Variants in NDRG3 observed in about 807,000 individuals in gnomAD.
NDRG3 encodes protein NDRG3.
Under a neutral mutation model 57.2 loss-of-function variants are expected in NDRG3, and 23 were observed. The ratio of observed to expected loss-of-function variants is 0.40; its 90% CI spans 0.29 to 0.57. The LOEUF (loss-of-function observed/expected upper bound fraction) is 0.57, where lower values mean the gene tolerates loss of function less well. Ranked by LOEUF, NDRG3 falls within the 20% of genes least tolerant of loss-of-function variation. NDRG3 has a pLI of 0.42. For missense variants in NDRG3, 384 were observed against 457.3 expected, an observed-to-expected ratio of 0.84 and a Z score of 1.46; for synonymous variants, 132 against 162.6, an observed-to-expected ratio of 0.81 and a Z score of 1.43.
intron 2 of NDRG3, among the ~76,000 whole-genome samples, chr20:36,714,256 T>C (rs1172813449): frequency 6.6e-6 from 1 of 151,032 alleles, no homozygotes; most frequent in Non-Finnish European, 1.5e-5. Context: ...AATACAAAAA[T>C]TAGCAGGGCG....
chr20:36,694,395 G>A (rs752626734), intron 3 of NDRG3, among the ~76,000 whole-genome samples: 3 of 152,220 alleles, frequency 2.0e-5, no homozygotes, highest in Non-Finnish European at 2.9e-5. Flanking sequence ...GTGAAAAACA[G>A]TCTTGAATAA....
At chr20:36,710,738 G>A (rs1209119535) in intron 2 of NDRG3, among the ~76,000 whole-genome samples, 6 of 151,564 alleles carry the variant, frequency 4.0e-5, no homozygotes, top group Non-Finnish European at 8.8e-5. Context: ...ACCGGGACCC[G>A]GGTGGCGGAG....
chr20:36,732,150 G>T (rs1363777595), intron 1 of NDRG3, among the ~76,000 whole-genome samples: 1 of 152,100 alleles, frequency 6.6e-6, no homozygotes, highest in African/African-American at 2.4e-5. Flanking sequence ...TAGAAATATA[G>T]AATCTAACAT....
intron 1 of NDRG3, among the ~76,000 whole-genome samples, chr20:36,728,392 T>G (rs774196851): frequency 4.7e-4 from 72 of 152,114 alleles, no homozygotes; most frequent in Non-Finnish European, 6.5e-4. Context: ...CCATTACAGG[T>G]TGAGCATCCC....
At chr20:36,715,305 A>G (rs1329275316) in intron 2 of NDRG3, among the ~76,000 whole-genome samples, 1 of 151,278 alleles carries the variant, frequency 6.6e-6, no homozygotes, top group Non-Finnish European at 1.5e-5. Flanking sequence ...CGGTGGCATC[A>G]CTACCTGCTT....
chr20:36,688,885 G>A (rs758608137), intron 3 of NDRG3, 101 bp from the exon 4 acceptor site: 65 of 822,324 alleles, frequency 7.9e-5, no homozygotes, highest in Non-Finnish European at 1.3e-4. Context: ...CACGAGCTGG[G>A]GCAGGACACA....
chr20:36,712,393 C>CTTTTTTTTTTTT (rs532490524), intron 2 of NDRG3, among the ~76,000 whole-genome samples: 1 of 124,302 alleles, frequency 8.0e-6, no homozygotes. Flanking sequence ...TTTTCTTTTT[C>CTTTTTTTTTTTT]TTTTTTTTTT....
At chr20:36,717,224 T>C (rs1446976511) in intron 2 of NDRG3, among the ~76,000 whole-genome samples, 2 of 152,112 alleles carry the variant, frequency 1.3e-5, no homozygotes, top group South Asian at 2.1e-4. Context: ...TAAAATAAAA[T>C]GGGAAAAGTA....
chr20:36,689,136 G>C (rs1300631563), intron 3 of NDRG3, among the ~76,000 whole-genome samples: 4 of 152,194 alleles, frequency 2.6e-5, no homozygotes, highest in Non-Finnish European at 5.9e-5. Flanking sequence ...AGAGATTACA[G>C]TGAGCTGAGA....
chr20:36,727,905 T>C (rs902413226), intron 1 of NDRG3, among the ~76,000 whole-genome samples: 3 of 152,022 alleles, frequency 2.0e-5, no homozygotes, highest in Non-Finnish European at 2.9e-5. Context: ...TCCCCACATC[T>C]AAGTAATAAA....
At chr20:36,687,738 G>A (rs1013449093) in intron 4 of NDRG3, 126 bp from the exon 5 acceptor site, 12 of 1,103,208 alleles carry the variant, frequency 1.1e-5, no homozygotes, top group Non-Finnish European at 1.3e-5. Flanking sequence ...AAAGTGAGGT[G>A]TCTGAACAAT....
At chr20:36,690,212 T>C (rs1043272525) in intron 3 of NDRG3, among the ~76,000 whole-genome samples, 2 of 152,214 alleles carry the variant, frequency 1.3e-5, no homozygotes, top group African/African-American at 4.8e-5. Flanking sequence ...CCTCTACTCC[T>C]AAAAGATCTT....
intron 5 of NDRG3, among the ~76,000 whole-genome samples, chr20:36,684,965 G>A (rs1226866459): frequency 6.6e-6 from 1 of 152,162 alleles, no homozygotes; most frequent in Non-Finnish European, 1.5e-5. Flanking sequence ...CAACTGCCAT[G>A]CTAAGGAGAA....
chr20:36,693,141 T>TATATATATAC (rs1323122806), intron 3 of NDRG3, among the ~76,000 whole-genome samples: 42 of 34,606 alleles, frequency 1.2e-3, no homozygotes, highest in African/African-American at 1.8e-3. Flanking sequence ...TATATATATA[T>TATATATATAC]ACACACACAC....
chr20:36,727,440 G>A (rs1050445119), intron 1 of NDRG3, among the ~76,000 whole-genome samples: 13 of 151,898 alleles, frequency 8.6e-5, no homozygotes, highest in African/African-American at 2.4e-4. Context: ...GGCTGGTCTC[G>A]AACTCTTGAC....
chr20:36,659,488 G>T (rs1016323903), intron 13 of NDRG3, among the ~76,000 whole-genome samples: 6 of 152,100 alleles, frequency 3.9e-5, no homozygotes. Context: ...TTTACCAGAG[G>T]TTTGGGTGGT....
intron 2 of NDRG3, among the ~76,000 whole-genome samples, chr20:36,711,274 G>A (rs1019975300): frequency 2.0e-5 from 3 of 149,816 alleles, no homozygotes; most frequent in Non-Finnish European, 4.4e-5. Context: ...GCGAGACTCC[G>A]TCTCAAAAAA....
At chr20:36,697,883 T>C (rs1373571310) in intron 3 of NDRG3, among the ~76,000 whole-genome samples, 1 of 152,098 alleles carries the variant, frequency 6.6e-6, no homozygotes, top group Non-Finnish European at 1.5e-5. Flanking sequence ...CTACATATAG[T>C]TTATACAATC....
chr20:36,729,288 G>A (rs772009540), intron 1 of NDRG3, among the ~76,000 whole-genome samples: 7 of 152,186 alleles, frequency 4.6e-5, no homozygotes, highest in Non-Finnish European at 8.8e-5. Context: ...GATGTGGAAT[G>A]AGTAGAGAAA....
Sources: allele counts gnomAD v4.1 joint callset (sites outside exome capture counted in the v4.1 genomes callset), GRCh38; gene constraint gnomAD v4.1.1; transcripts MANE v1.5; gene names NCBI Gene and HGNC (gene_info 2026-07-23, HGNC 2026-07-21).